TLX1: variants seen among roughly 807,000 people sequenced by gnomAD.
TLX1 encodes T-cell leukemia homeobox protein 1.
Under a neutral mutation model 26.5 loss-of-function variants are expected in TLX1, and 6 were observed. That is an observed-to-expected ratio of 0.23 (90% CI 0.12 to 0.45). The LOEUF (loss-of-function observed/expected upper bound fraction) is 0.45, where lower values mean the gene tolerates loss of function less well. TLX1 is among the 20% of genes least tolerant of loss of function. The pLI is 0.99. For synonymous variants in TLX1, 217 were observed against 219.7 expected (o/e 0.99, Z 0.11); for missense variants, 418 against 482.6 (o/e 0.87, Z 1.25).
rs1399260227 is a variant in TLX1, at chr10:101,131,977, C to A, written c.436C>A (p.His146Asn). Residue 146 changes from histidine (H) to asparagine (N), a missense_variant, in exon 1 of 3, where the codon CAC becomes AAC. By Grantham distance (68) the His-to-Asn change is moderately conservative (BLOSUM62 1). This residue lies in a region of TLX1 where 322 missense variants were observed against 344.6 expected (regional missense o/e 0.93). Coordinates refer to ENST00000370196, the MANE Select transcript of TLX1 (RefSeq NM_005521.4). ...CAGGCCGCTCGCCGGAGCCGTGGCC[C>A]ACCCCCAGCCCCTGGCCACCGGCTT... The part of the protein sequence containing the change: ...AHRPLAGAVA[H>N]PQPLATGLPT... 2.6e-6 allele frequency: 4 copies of A among 1,509,568 alleles called. No homozygotes were observed. Among genetic ancestry groups the A allele is most frequent in the Non-Finnish European group, 3.5e-6 (4 of 1,136,046 alleles). 93.5% of individuals were successfully genotyped at this position (1,509,568 alleles called of 1,614,324 possible).
At chr10:101,133,906 C>G (rs1470118549) in intron 1 of TLX1, among the ~76,000 whole-genome samples, 4 of 152,116 alleles carry the variant, frequency 2.6e-5, no homozygotes, top group African/African-American at 9.7e-5. Context: ...GTTGGGCTCG[C>G]GGGAGCCCGG....
chr10:101,132,045 C>A lies in TLX1; in HGVS notation c.504C>A (p.Asn168Lys). ...PSVPAMPGVN[N>K]LTGLTFPWME... is the part of the protein sequence containing the mutation. ...TGCCTGCCATGCCGGGCGTCAACAA[C>A]CTCACTGGCCTCACCTTCCCCTGGA... Residue 168 changes from asparagine to lysine, a missense_variant, in exon 1 of 3, where the codon AAC becomes AAA. Asn to Lys is a moderately conservative substitution (Grantham distance 94). Transcript: ENST00000370196. The surrounding 1 kb of genome is among the most constrained non-coding windows in gnomAD (Gnocchi z 4.1). 1.3e-6 allele frequency: 2 copies of A among 1,505,384 alleles called. No homozygotes were observed. Among genetic ancestry groups the A allele is most frequent in the Non-Finnish European group, 1.8e-6 (2 of 1,134,642 alleles). The allele number at this position is 1,505,384 out of a possible 1,614,324, so 93.3% of individuals were successfully genotyped here.
Position 101,131,478 on chromosome 10 carries a change from C to T in TLX1, c.-64C>T. On this transcript the variant is annotated 5_prime_UTR_variant, in exon 1 of 3. Transcript: ENST00000370196. ...GCTGTTGCCTCCCAGCCCCTGCTAG[C>T]TGCCCCCCGAGCCGAGCGCAGCGAG... 7.6e-7 allele frequency: 1 copy of T among 1,315,960 alleles called. No individual in the cohort carries two copies. The highest frequency in any genetic ancestry group is 9.8e-7 in the Non-Finnish European group (1 of 1,019,734). 81.5% of individuals were successfully genotyped at this position (1,315,960 alleles called of 1,614,324 possible).
At chr10:101,133,382 T>C (rs776801071) in intron 1 of TLX1, among the ~76,000 whole-genome samples, 2 of 152,234 alleles carry the variant, frequency 1.3e-5, no homozygotes, top group Non-Finnish European at 2.9e-5. Context: ...TGCTTGGGTC[T>C]AGGCCTCAGG....
At chr10:101,136,354 G>A (rs1392349659) in intron 2 of TLX1, among the ~76,000 whole-genome samples, 1 of 152,216 alleles carries the variant, frequency 6.6e-6, no homozygotes, top group Non-Finnish European at 1.5e-5. Context: ...CCGGGGAGGG[G>A]GAGGCGAGAT....
intron 2 of TLX1, 39 bp downstream of exon 2, chr10:101,134,415 C>CG: frequency 6.7e-7 from 1 of 1,496,728 alleles, no homozygotes; most frequent in Non-Finnish European, 8.9e-7. Context: ...GCGAGCGGCG[C>CG]GGTCTCAGGC....
At position 101,132,219 on chromosome 10, in the gene TLX1, C is replaced by G. The variant is rs569960553; in HGVS notation, c.568+110C>G. On this transcript the variant is annotated intron_variant, in intron 1 of 2. Coordinates refer to ENST00000370196, the MANE Select transcript of TLX1 (RefSeq NM_005521.4). The surrounding 1 kb of genome is among the most constrained non-coding windows in gnomAD (Gnocchi z 4.1). Reference sequence around the variant, plus strand: ...GTTCTGCGCTCCAGGTCGCCCAGCTCTTCTTGGTGCTTCCCCCAAGTTGAG... The same window carrying G: ...GTTCTGCGCTCCAGGTCGCCCAGCTGTTCTTGGTGCTTCCCCCAAGTTGAG... 1.0e-6 allele frequency: 1 copy of G among 979,648 alleles called. No individual in the cohort carries two copies. Among genetic ancestry groups the G allele is most frequent in the Non-Finnish European group, 1.3e-6 (1 of 748,950 alleles). The allele number at this position is 979,648 out of a possible 1,614,324, so 60.7% of individuals were successfully genotyped here. A position where few individuals can be genotyped will look rare whatever the true frequency, so the allele number is the denominator to read the frequency against.
chr10:101,131,816 G>A lies in TLX1; in HGVS notation c.275G>A (p.Cys92Tyr). The A allele has an allele frequency of 2.1e-6, 3 of 1,395,590 alleles. No homozygotes were observed. The highest frequency in any genetic ancestry group is 1.8e-6 in the Non-Finnish European group (2 of 1,081,798). The allele number at this position is 1,395,590 out of a possible 1,614,324, so 86.5% of individuals were successfully genotyped here. A position where few individuals can be genotyped will look rare whatever the true frequency, so the allele number is the denominator to read the frequency against. Residue 92 changes from cysteine (C) to tyrosine (Y), a missense_variant, in exon 1 of 3, where the codon TGC becomes TAC. Physicochemically the swap from Cys to Tyr is radical, Grantham distance 194. Coordinates refer to ENST00000370196, the MANE Select transcript of TLX1 (RefSeq NM_005521.4). ...GGCCCGGCAGGCGGCGGCGGCGCCT[G>A]CAGCATGGGTCCTCTGACCGGCTCC... is the stretch of plus-strand genomic sequence containing the variant. ...PGGPAGGGGA[C>Y]SMGPLTGSYN...
At chr10:101,133,584 G>A (rs1467059088) in intron 1 of TLX1, among the ~76,000 whole-genome samples, 3 of 152,212 alleles carry the variant, frequency 2.0e-5, no homozygotes, top group Non-Finnish European at 4.4e-5. Flanking sequence ...CCTACCGCGG[G>A]GCCCTAATAC....
At position 101,131,390 on chromosome 10, in the gene TLX1, C is replaced by T. The variant is rs1590125680; in HGVS notation, c.-152C>T. 1 of 468,748 alleles carries T rather than the reference C, an allele frequency of 2.1e-6. No homozygotes were observed. The highest frequency in any genetic ancestry group is 3.5e-6 in the Non-Finnish European group (1 of 282,194). The allele number at this position is 468,748 out of a possible 1,614,324, so 29.0% of individuals were successfully genotyped here. On this transcript the variant is annotated 5_prime_UTR_variant, in exon 1 of 3. Transcript: ENST00000370196. ...ATACGGCGCCCCCTCTCTCCCTCCCCTCCCCCTTCTACTTTAGCCTTTCTG... is the reference window on the plus strand; with the variant it reads ...ATACGGCGCCCCCTCTCTCCCTCCCTTCCCCCTTCTACTTTAGCCTTTCTG...
At position 101,137,054 on chromosome 10, in the gene TLX1, C is replaced by T. The variant is rs996190840; in HGVS notation, c.*141C>T. On this transcript the variant is annotated 3_prime_UTR_variant, in exon 3 of 3. Transcript: ENST00000370196. ...CCCTCGCACGGCCCCGAAGGGCCCC[C>T]ACATTTGTGCCGACACTGTTCTCCC... 9 of 1,105,802 alleles carry T rather than the reference C, an allele frequency of 8.1e-6. No individual in the cohort carries two copies. The highest frequency in any genetic ancestry group is 1.1e-5 in the Non-Finnish European group (9 of 793,958). 68.5% of individuals were successfully genotyped at this position (1,105,802 alleles called of 1,614,324 possible).
chr10:101,131,818 A>T lies in TLX1; in HGVS notation c.277A>T (p.Ser93Cys). The change falls in exon 1 of 3, where the codon AGC (serine) becomes TGC (cysteine). Residue 93 changes from serine (S) to cysteine (C), a missense_variant. By Grantham distance (112) the Ser-to-Cys change is moderately radical. Coordinates refer to ENST00000370196, the MANE Select transcript of TLX1 (RefSeq NM_005521.4). ...GGPAGGGGAC[S>C]MGPLTGSYNV... is the part of the protein sequence containing the mutation. ...CCCGGCAGGCGGCGGCGGCGCCTGC[A>T]GCATGGGTCCTCTGACCGGCTCCTA... 2 of 1,397,070 alleles carry T rather than the reference A, an allele frequency of 1.4e-6. No homozygotes were observed. The highest frequency in any genetic ancestry group is 1.8e-6 in the Non-Finnish European group (2 of 1,082,736). 86.5% of individuals were successfully genotyped at this position (1,397,070 alleles called of 1,614,324 possible).
rs756282883 is a variant in TLX1, at chr10:101,131,731, G to A, written c.190G>A (p.Ala64Thr). The A allele has an allele frequency of 1.5e-5, 22 of 1,443,026 alleles. No homozygotes were observed. The highest frequency in any genetic ancestry group is 1.9e-5 in the Non-Finnish European group (21 of 1,103,948). The allele number at this position is 1,443,026 out of a possible 1,614,324, so 89.4% of individuals were successfully genotyped here. Residue 64 changes from alanine to threonine, a missense_variant, in exon 1 of 3, where the codon GCC becomes ACC. Ala to Thr is a moderately conservative substitution (Grantham distance 58). Around this residue, in one of 3 missense-constraint regions of TLX1, gnomAD observed 322 missense variants for 344.6 expected, o/e 0.93. Transcript: ENST00000370196. ...AYTYGGGGSAAATGAGGAGAY... is the reference protein window; with the variant it reads ...AYTYGGGGSATATGAGGAGAY... ...CACTTACGGCGGCGGGGGCTCCGCG[G>A]CCGCGACGGGGGCTGGAGGAGCGGG... is the stretch of plus-strand genomic sequence containing the variant.
intron 2 of TLX1, chr10:101,135,534 C>T (rs529479028): frequency 2.1e-3 from 329 of 153,992 alleles, no homozygotes; most frequent in Non-Finnish European, 2.6e-3. Flanking sequence ...CCAAGGCCTA[C>T]TGAGGGCTGC....
chr10:101,136,856 G>A lies in TLX1; in HGVS notation c.936G>A (p.Trp312Ter). The change falls in exon 3 of 3, where the codon TGG becomes TGA. Residue 312 changes from tryptophan to a stop codon, truncating the protein, a stop_gained. Coordinates refer to ENST00000370196, the MANE Select transcript of TLX1 (RefSeq NM_005521.4). LOFTEE classifies it high-confidence loss of function. ...SLFALQNLQP[W>*]SDDSTKITSV... is the part of the protein sequence containing the mutation. ...TCGCCCTGCAGAATCTGCAGCCGTG[G>A]TCTGACGACTCGACCAAAATCACTA... 1 of 1,613,766 alleles carries A rather than the reference G, an allele frequency of 6.2e-7. No homozygotes were observed. The highest frequency in any genetic ancestry group is 2.2e-5 in the East Asian group (1 of 44,878).
In TLX1 at chr10:101,134,210, A is replaced by G; in HGVS notation, c.604A>G (p.Lys202Glu). The change falls in exon 2 of 3, where the codon AAG becomes GAG. Residue 202 changes from lysine (K) to glutamate (E), a missense_variant. Physicochemically the swap from Lys to Glu is moderately conservative, Grantham distance 56. Coordinates refer to ENST00000370196, the MANE Select transcript of TLX1 (RefSeq NM_005521.4). ...TCAGAACCGGACGCCCCCCAAGAAG[A>G]AGAAGCCGCGCACGTCCTTCACACG... ...PYQNRTPPKK[K>E]KPRTSFTRLQ... 1 of 1,609,892 alleles carries G rather than the reference A, an allele frequency of 6.2e-7. No individual in the cohort carries two copies. Among genetic ancestry groups the G allele is most frequent in the Non-Finnish European group, 8.5e-7 (1 of 1,178,414 alleles).
At chr10:101,136,160 G>C (rs1472087127) in intron 2 of TLX1, among the ~76,000 whole-genome samples, 1 of 152,246 alleles carries the variant, frequency 6.6e-6, no homozygotes, top group Non-Finnish European at 1.5e-5. Context: ...GGTCCAGCAG[G>C]AGCCCCGGTA....
In TLX1 at chr10:101,137,096, A is replaced by G; in HGVS notation, c.*183A>G. 1.4e-6 allele frequency: 1 copy of G among 740,556 alleles called. No homozygotes were observed. The highest frequency in any genetic ancestry group is 2.1e-6 in the Non-Finnish European group (1 of 465,516). The allele number at this position is 740,556 out of a possible 1,614,324, so 45.9% of individuals were successfully genotyped here. A position where few individuals can be genotyped will look rare whatever the true frequency, so the allele number is the denominator to read the frequency against. On this transcript the variant is annotated 3_prime_UTR_variant, in exon 3 of 3. Transcript: ENST00000370196. ...TGTTCTCCCTTCGGTGGAAGAGCTC[A>G]AGGGACAAGGACACGCGCCCCCCTC...
chr10:101,134,395 C>A lies in TLX1; in HGVS notation c.770+19C>A. 1 of 1,533,840 alleles carries A rather than the reference C, an allele frequency of 6.5e-7. No homozygotes were observed. The highest frequency in any genetic ancestry group is 8.7e-7 in the Non-Finnish European group (1 of 1,145,482). On this transcript the variant is annotated intron_variant, in intron 2 of 2. Coordinates refer to ENST00000370196, the MANE Select transcript of TLX1 (RefSeq NM_005521.4). ...AGTGGAGGTGAGCAAGCGGGGCGGG[C>A]CGGCCGCCCGCGAGCGGCGCGGTCT...
Sources: gnomAD v4.1 joint callset for allele counts (sites outside exome capture counted in the v4.1 genomes callset) on GRCh38, gnomAD v4.1.1 for gene constraint, gnomAD v4.1.1 regional missense constraint, Gnocchi (gnomAD v3.1) non-coding constraint, MANE v1.5 for transcripts, NCBI Gene and HGNC (gene_info 2026-07-23, HGNC 2026-07-21) for gene names.